Variants in BACH1 observed in about 807,000 individuals in gnomAD.
The protein encoded by BACH1 is transcription regulator protein BACH1.
BACH1 carries 35 observed loss-of-function variants against 52.9 expected under a neutral mutation model. That is an observed-to-expected ratio of 0.66 (90% CI 0.51 to 0.88). The LOEUF is 0.88. Ranked by LOEUF, BACH1 falls within the 40% of genes least tolerant of loss-of-function variation. The pLI is 0.00. For synonymous variants in BACH1, 321 were observed against 319.6 expected (o/e 1.00, Z -0.05); for missense variants, 808 against 872.6 (o/e 0.93, Z 0.93).
chr21:29,351,571 C>T (rs567039308), intron 2 of BACH1: 2 of 531,632 alleles, frequency 3.8e-6, no homozygotes, highest in Non-Finnish European at 7.7e-6. Context: ...AGCGTTTACT[C>T]TGGGCTTTAG....
At chr21:29,317,009 A>ACCTC (rs1310440033) in intron 1 of BACH1, among the ~76,000 whole-genome samples, 5 of 152,252 alleles carry the variant, frequency 3.3e-5, no homozygotes, top group Non-Finnish European at 7.3e-5. Flanking sequence ...GTTGCACAGC[A>ACCTC]GGAGGTGAGT....
At chr21:29,305,372 C>T (rs1018872634) in intron 1 of BACH1, 2 of 152,176 alleles carry the variant, frequency 1.3e-5, no homozygotes, top group Non-Finnish European at 2.9e-5. Flanking sequence ...TGGTAAAAGA[C>T]TGTCACAAGT....
chr21:29,330,201 G>A (rs1257199763), intron 4 of BACH1, among the ~76,000 whole-genome samples: 1 of 152,136 alleles, frequency 6.6e-6, no homozygotes, highest in Non-Finnish European at 1.5e-5. Flanking sequence ...GTCTTGCTTT[G>A]TCGCCCAGGC....
At chr21:29,360,861 AC>A (rs968419545) in intron 2 of BACH1, among the ~76,000 whole-genome samples, 1 of 149,838 alleles carries the variant, frequency 6.7e-6, no homozygotes, top group African/African-American at 2.5e-5. Context: ...AAAAAAAAAA[AC>A]AAAAAAAAAC....
Position 29,326,680 on chromosome 21 carries a change from A to G in BACH1, c.856A>G (p.Met286Val), listed in dbSNP as rs776674031. The change falls in exon 3 of 5, where the codon ATG becomes GTG. Residue 286 changes from methionine (M) to valine (V), a missense_variant. By Grantham distance (21) the Met-to-Val change is conservative (BLOSUM62 1). Transcript: ENST00000286800. ...MLKCDESKLA[M>V]EPEETKKDPA... ...AAAATGTGACGAAAGTAAATTAGCA[A>G]TGGAACCTGAAGAAACGAAGAAAGA... The G allele has an allele frequency of 7.4e-6, 12 of 1,614,100 alleles. No individual in the cohort carries two copies. Among genetic ancestry groups the G allele is most frequent in the East Asian group, 2.2e-5 (1 of 44,902 alleles).
intron 4 of BACH1, among the ~76,000 whole-genome samples, chr21:29,331,961 C>T (rs887481802): frequency 6.6e-6 from 1 of 152,116 alleles, no homozygotes; most frequent in African/African-American, 2.4e-5. Context: ...AATGCAGTGG[C>T]ATGATCTCGG....
At chr21:29,334,081 G>GT (rs149059057) in intron 4 of BACH1, among the ~76,000 whole-genome samples, 7 of 151,324 alleles carry the variant, frequency 4.6e-5, no homozygotes, top group Non-Finnish European at 5.9e-5. Flanking sequence ...CATGACTTTG[G>GT]TTTTTTTTGT....
intron 4 of BACH1, among the ~76,000 whole-genome samples, chr21:29,331,083 T>C (rs1230352285): frequency 6.6e-6 from 1 of 152,222 alleles, no homozygotes; most frequent in Non-Finnish European, 1.5e-5. Flanking sequence ...CAGTAATACC[T>C]TTAATAAACA....
intron 1 of BACH1, among the ~76,000 whole-genome samples, chr21:29,314,109 T>C (rs532232410): frequency 6.6e-6 from 1 of 152,348 alleles, no homozygotes; most frequent in East Asian, 1.9e-4. Context: ...ATAACAATCC[T>C]ATTCAGAATC....
At chr21:29,311,472 C>T (rs189212086) in intron 1 of BACH1, among the ~76,000 whole-genome samples, 1 of 119,632 alleles carries the variant, frequency 8.4e-6, no homozygotes, top group Non-Finnish European at 1.7e-5. Context: ...TGCTGCACCT[C>T]ACCCCCTAAT....
At chr21:29,340,256 A>C (rs1810831371) in intron 4 of BACH1, among the ~76,000 whole-genome samples, 1 of 152,234 alleles carries the variant, frequency 6.6e-6, no homozygotes, top group South Asian at 2.1e-4. Context: ...CTTAGAGTGA[A>C]ATGGAAACTG....
intron 4 of BACH1, among the ~76,000 whole-genome samples, chr21:29,338,217 G>A (rs2089068456): frequency 6.6e-6 from 1 of 152,134 alleles, no homozygotes; most frequent in South Asian, 2.1e-4. Context: ...TAGACAATCA[G>A]TATTACTATT....
chr21:29,361,384 A>G (rs375702956), intron 2 of BACH1: 2 of 152,194 alleles, frequency 1.3e-5, no homozygotes, highest in South Asian at 2.1e-4. Context: ...AAATCAATCA[A>G]TACTTACAAT....
intron 4 of BACH1, among the ~76,000 whole-genome samples, chr21:29,339,591 G>T (rs2089086958): frequency 6.8e-6 from 1 of 147,594 alleles, no homozygotes; most frequent in Admixed American, 6.8e-5. Flanking sequence ...AATAAATATT[G>T]TGCACTAGCT....
At chr21:29,359,641 A>G (rs1366474457) in intron 2 of BACH1, among the ~76,000 whole-genome samples, 1 of 152,006 alleles carries the variant, frequency 6.6e-6, no homozygotes, top group Non-Finnish European at 1.5e-5. Flanking sequence ...GGAAAAGTCA[A>G]GCTGGGAACT....
In BACH1 at chr21:29,326,634, T is replaced by C. The variant is rs4817282; in HGVS notation, c.810T>C (p.Cys270=). 1 of 1,614,154 alleles carries C rather than the reference T, an allele frequency of 6.2e-7. No individual in the cohort carries two copies. Among genetic ancestry groups the C allele is most frequent in the Non-Finnish European group, 8.5e-7 (1 of 1,180,018 alleles). The change falls in exon 3 of 5, where the codon TGT becomes TGC. Residue 270 remains cysteine, a synonymous_variant. Coordinates refer to ENST00000286800, the MANE Select transcript of BACH1 (RefSeq NM_001186.4). ...AATGCCTGGGAGGAGTCCCGGAGTG[T>C]AGAGATTTGCAGGTGATGTTAAAAT... ...ENECLGGVPE[C]RDLQVMLKCD... is the part of the protein sequence containing the mutation.
chr21:29,305,907 A>G (rs539801517), intron 1 of BACH1, among the ~76,000 whole-genome samples: 25 of 152,250 alleles, frequency 1.6e-4, no homozygotes, highest in Non-Finnish European at 2.9e-4. Context: ...ATTGGCAATA[A>G]TGAACTTTTC....
intron 4 of BACH1, among the ~76,000 whole-genome samples, chr21:29,333,074 C>T (rs1343436159): frequency 2.0e-5 from 3 of 152,178 alleles, no homozygotes; most frequent in South Asian, 4.1e-4. Flanking sequence ...CCAGTTGCAG[C>T]GTGAGGGGTA....
intron 4 of BACH1, among the ~76,000 whole-genome samples, chr21:29,340,042 T>A (rs2089093650): frequency 6.6e-6 from 1 of 152,234 alleles, no homozygotes; most frequent in Admixed American, 6.5e-5. Context: ...CAAACGTGAT[T>A]TATACAGTTG....
Sources: gnomAD v4.1 joint callset for allele counts (sites outside exome capture counted in the v4.1 genomes callset) on GRCh38, gnomAD v4.1.1 for gene constraint, MANE v1.5 for transcripts, NCBI Gene and HGNC (gene_info 2026-07-23, HGNC 2026-07-21) for gene names.